The following ADAMTSL1 variants were observed in gnomAD, a reference collection of about 807,000 sequenced individuals.
The protein encoded by ADAMTSL1 is ADAMTS-like protein 1.
In ADAMTSL1, 126 loss-of-function variants were observed where a neutral mutation model predicts 201.8. That is an observed-to-expected ratio of 0.62 (90% CI 0.54 to 0.72). The LOEUF (loss-of-function observed/expected upper bound fraction) is 0.72, where lower values mean the gene tolerates loss of function less well. ADAMTSL1 is among the 30% of genes least tolerant of loss of function. The pLI is 0.00. For synonymous variants in ADAMTSL1, 1,121 were observed against 903.4 expected, an observed-to-expected ratio of 1.24 and a Z score of -4.32; for missense variants, 2,679 against 2,277.8, an observed-to-expected ratio of 1.18 and a Z score of -3.59.
At chr9:18,182,926 T>C (rs1240360548) in intron 2 of ADAMTSL1, among the ~76,000 whole-genome samples, 1 of 152,160 alleles carries the variant, frequency 6.6e-6, no homozygotes. Flanking sequence ...GTAAGGAAAC[T>C]GAAGCTGAAC....
In ADAMTSL1 at chr9:18,421,016, T is replaced by C. The variant is rs552184113; in HGVS notation, c.208-83813T>C. On this transcript the variant is annotated intron_variant, in intron 2 of 29. Coordinates refer to the ADAMTSL1 transcript ENST00000680146. Reference sequence around the variant, plus strand: ...AGCAGAGGCTGAGGAAGAATTCAGATTGGGCAGACTGGGACTGGAACGTCA... The same window carrying C: ...AGCAGAGGCTGAGGAAGAATTCAGACTGGGCAGACTGGGACTGGAACGTCA... Among the ~76,000 whole-genome samples the C allele has an allele frequency of 6.0e-4, 91 of 152,144 alleles. No homozygotes were observed. The East Asian group carries it at 0.017, about 28-fold the overall frequency.
At chr9:18,743,562 T>G (rs1818964110) in intron 15 of ADAMTSL1, among the ~76,000 whole-genome samples, 1 of 152,136 alleles carries the variant, frequency 6.6e-6, no homozygotes, top group Non-Finnish European at 1.5e-5. Flanking sequence ...AATAAGTGCT[T>G]TGCCACTTCA....
At chr9:18,356,145 G>C (rs1458616946) in intron 2 of ADAMTSL1, among the ~76,000 whole-genome samples, 7 of 152,192 alleles carry the variant, frequency 4.6e-5, no homozygotes, top group Non-Finnish European at 8.8e-5. Flanking sequence ...GGGGGACATG[G>C]GGGTGTCTCC....
intron 2 of ADAMTSL1, among the ~76,000 whole-genome samples, chr9:18,321,426 C>T (rs754606705): frequency 1.3e-4 from 20 of 152,144 alleles, no homozygotes; most frequent in Non-Finnish European, 2.1e-4. Context: ...AGCAAGGATA[C>T]GTAAGATTTT....
At position 18,910,303 on chromosome 9, in the gene ADAMTSL1, A is replaced by G. The variant is rs1265508078; in HGVS notation, c.*1755A>G. ...AAAAAAGAATGTTTTCTATGTCTGT[A>G]TATCTTTTGTGAATATTTATTAGGA... On this transcript the variant is annotated 3_prime_UTR_variant, in exon 29 of 29. Transcript: ENST00000380548. 6.6e-6 allele frequency: 1 copy of G among 152,226 alleles called. No individual in the cohort carries two copies. The highest frequency in any genetic ancestry group is 1.9e-4 in the East Asian group (1 of 5,200). 9.4% of individuals were successfully genotyped at this position (152,226 alleles called of 1,614,324 possible).
chr9:18,585,453 T>C (rs768449822), intron 4 of ADAMTSL1, among the ~76,000 whole-genome samples: 1 of 152,208 alleles, frequency 6.6e-6, no homozygotes, highest in Non-Finnish European at 1.5e-5. Context: ...ATGCCCATCA[T>C]TATGTGCTTC....
chr9:18,298,827 C>G (rs901611079), intron 2 of ADAMTSL1, among the ~76,000 whole-genome samples: 1 of 151,602 alleles, frequency 6.6e-6, no homozygotes, highest in Non-Finnish European at 1.5e-5. Context: ...ATCGAGACCA[C>G]GGTGAAACCC....
intron 2 of ADAMTSL1, among the ~76,000 whole-genome samples, chr9:18,252,717 A>C (rs1232364003): frequency 6.6e-6 from 1 of 152,162 alleles, no homozygotes; most frequent in Non-Finnish European, 1.5e-5. Flanking sequence ...AGCCCATCAT[A>C]CTAGCAAAAC....
At chr9:18,500,826 A>G (rs1822790825) in intron 1 of ADAMTSL1, among the ~76,000 whole-genome samples, 2 of 152,198 alleles carry the variant, frequency 1.3e-5, no homozygotes, top group East Asian at 1.9e-4. Context: ...ATTGCCTTAC[A>G]TAAAGAACTT....
At chr9:18,296,767 T>C (rs1355714411) in intron 2 of ADAMTSL1, among the ~76,000 whole-genome samples, 2 of 152,196 alleles carry the variant, frequency 1.3e-5, no homozygotes, top group Non-Finnish European at 2.9e-5. Context: ...CATTTTACTG[T>C]AGATCATCCT....
intron 2 of ADAMTSL1, among the ~76,000 whole-genome samples, chr9:18,179,348 C>T (rs982682378): frequency 1.4e-4 from 21 of 152,090 alleles, no homozygotes; most frequent in Non-Finnish European, 2.4e-4. Flanking sequence ...AAGAAACGAG[C>T]GAAGCCTCCA....
At chr9:18,699,654 GTTC>G (rs1225938543) in intron 13 of ADAMTSL1, among the ~76,000 whole-genome samples, 2 of 152,220 alleles carry the variant, frequency 1.3e-5, no homozygotes, top group African/African-American at 2.4e-5. Flanking sequence ...TTTAAATTAA[GTTC>G]TTCTGTCAAA....
intron 5 of ADAMTSL1, among the ~76,000 whole-genome samples, chr9:18,634,858 AATAT>A (rs71333054): frequency 1.4e-4 from 17 of 119,412 alleles, no homozygotes; most frequent in Admixed American, 2.8e-4. Flanking sequence ...AGAATATGTA[AATAT>A]ATATATATAT....
intron 1 of ADAMTSL1, among the ~76,000 whole-genome samples, chr9:18,135,577 C>G (rs1246126205): frequency 6.6e-6 from 1 of 152,000 alleles, no homozygotes; most frequent in Non-Finnish European, 1.5e-5. Context: ...GGGAGAACTG[C>G]TGAGCCCAGG....
At chr9:18,865,296 T>A (rs1250227954) in intron 23 of ADAMTSL1, among the ~76,000 whole-genome samples, 2 of 152,058 alleles carry the variant, frequency 1.3e-5, no homozygotes, top group African/African-American at 4.8e-5. Context: ...TGGTGTTTGG[T>A]TTTTTGTCCT....
intron 2 of ADAMTSL1, among the ~76,000 whole-genome samples, chr9:18,410,410 G>A (rs189912832): frequency 2.8e-4 from 42 of 152,128 alleles, no homozygotes; most frequent in Admixed American, 7.2e-4. Flanking sequence ...AGTGTGTGTT[G>A]TTCTCCGCCA....
At chr9:18,529,481 T>C (rs930342956) in intron 2 of ADAMTSL1, among the ~76,000 whole-genome samples, 8 of 152,186 alleles carry the variant, frequency 5.3e-5, no homozygotes, top group Non-Finnish European at 1.2e-4. Flanking sequence ...TGTATGTAAC[T>C]TTAAGCCTCA....
chr9:18,046,677 A>C (rs1821673472), intron 1 of ADAMTSL1, among the ~76,000 whole-genome samples: 1 of 152,190 alleles, frequency 6.6e-6, no homozygotes, highest in Admixed American at 6.5e-5. Context: ...GATGGAAACT[A>C]TAATAATAAT....
chr9:18,790,547 G>A (rs1821968278), intron 19 of ADAMTSL1, among the ~76,000 whole-genome samples: 1 of 152,164 alleles, frequency 6.6e-6, no homozygotes, highest in Non-Finnish European at 1.5e-5. Flanking sequence ...CAAATGCAGA[G>A]GAGATGATTT....
Sources: gnomAD v4.1 joint callset for allele counts (sites outside exome capture counted in the v4.1 genomes callset) on GRCh38, gnomAD v4.1.1 for gene constraint, MANE v1.5 for transcripts, NCBI Gene and HGNC (gene_info 2026-07-23, HGNC 2026-07-21) for gene names.